Variants in MROH9 observed in about 807,000 individuals in gnomAD.
The protein encoded by MROH9 is maestro heat-like repeat-containing protein family member 9.
MROH9 carries 92 observed loss-of-function variants against 98.2 expected under a neutral mutation model. That is an observed-to-expected ratio of 0.94 (90% confidence interval 0.79 to 1.11). The LOEUF is 1.11. Among genes scored for constraint, MROH9 ranks in the 50% most tolerant of loss-of-function variants. The pLI, the probability that MROH9 is intolerant of heterozygous loss-of-function variation, is 0.00. For missense variants in MROH9, 1,057 were observed against 1,014.8 expected (o/e 1.04, Z -0.57); for synonymous variants, 397 against 368.9 (o/e 1.08, Z -0.87).
At chr1:170,948,929 T>C (rs1162962853) in intron 3 of MROH9, among the ~76,000 whole-genome samples, 1 of 152,090 alleles carries the variant, frequency 6.6e-6, no homozygotes, top group Non-Finnish European at 1.5e-5. Context: ...AAGCAGATTC[T>C]AAAATAACAC....
At chr1:171,008,469 C>T (rs1169895877) in intron 15 of MROH9, among the ~76,000 whole-genome samples, 1 of 152,162 alleles carries the variant, frequency 6.6e-6, no homozygotes, top group Admixed American at 6.5e-5. Flanking sequence ...ACAATCAATT[C>T]AGTAATTTTA....
intron 15 of MROH9, among the ~76,000 whole-genome samples, chr1:170,999,929 A>G (rs1050914612): frequency 6.6e-6 from 1 of 152,160 alleles, no homozygotes; most frequent in African/African-American, 2.4e-5. Context: ...TTTCCTGATT[A>G]TTAATGATGT....
At chr1:171,040,287 G>C (rs1039408297) in intron 20 of MROH9, among the ~76,000 whole-genome samples, 2 of 152,056 alleles carry the variant, frequency 1.3e-5, no homozygotes, top group South Asian at 4.1e-4. Context: ...TAAATCTAGA[G>C]AGCTAATGTA....
intron 20 of MROH9, among the ~76,000 whole-genome samples, chr1:171,055,618 T>TAAAAAAA (rs1204544479): frequency 7.7e-5 from 6 of 78,258 alleles, no homozygotes; most frequent in East Asian, 5.5e-4. Context: ...TGAGACTTCA[T>TAAAAAAA]AAAAAAAAAA....
rs1649879099 is a variant in MROH9, at chr1:170,958,557, T to C, written c.152+17T>C. The C allele has an allele frequency of 6.6e-7, 1 of 1,519,466 alleles. No individual in the cohort carries two copies. The highest frequency in any genetic ancestry group is 9.0e-7 in the Non-Finnish European group (1 of 1,109,734). 94.1% of individuals were successfully genotyped at this position (1,519,466 alleles called of 1,614,324 possible). On this transcript the variant is annotated intron_variant, in intron 4 of 21. Coordinates refer to ENST00000367759, the MANE Select transcript of MROH9 (RefSeq NM_001163629.2). ...GAACTCCAGGTATGATAAGCTATCA[T>C]GCTCTTTTATTTCACTAATTGGATG...
chr1:171,001,967 G>T (rs1411325257), intron 15 of MROH9, among the ~76,000 whole-genome samples: 1 of 152,022 alleles, frequency 6.6e-6, no homozygotes, highest in Non-Finnish European at 1.5e-5. Context: ...TTTCCTGTTG[G>T]ACAAGGCCTT....
chr1:170,965,371 G>C (rs1650194215), intron 7 of MROH9, 116 bp downstream of exon 7: 1 of 652,150 alleles, frequency 1.5e-6, no homozygotes, highest in Non-Finnish European at 2.7e-6. Context: ...TATTGTACTG[G>C]TAGGTTGGTT....
chr1:170,954,609 A>C (rs1649690166), intron 3 of MROH9, among the ~76,000 whole-genome samples: 1 of 151,964 alleles, frequency 6.6e-6, no homozygotes, highest in Non-Finnish European at 1.5e-5. Flanking sequence ...ATGCCAATTT[A>C]CGTTCATGCC....
At chr1:170,960,569 C>T (rs1649979829) in intron 5 of MROH9, among the ~76,000 whole-genome samples, 1 of 145,502 alleles carries the variant, frequency 6.9e-6, no homozygotes, top group African/African-American at 2.4e-5. Context: ...GTGTGTGGAA[C>T]AATAAATCTT....
intron 20 of MROH9, among the ~76,000 whole-genome samples, chr1:171,027,839 T>C (rs766382759): frequency 2.6e-5 from 4 of 152,236 alleles, no homozygotes; most frequent in Admixed American, 6.5e-5. Context: ...CTTGTTGGCA[T>C]GTAAATGTCT....
chr1:170,988,865 G>T (rs1305877193), intron 10 of MROH9, among the ~76,000 whole-genome samples: 1 of 152,102 alleles, frequency 6.6e-6, no homozygotes, highest in African/African-American at 2.4e-5. Context: ...GACATAGGTG[G>T]CTTGCTTTAG....
Position 170,958,455 on chromosome 1 carries a change from A to C in MROH9, c.73-6A>C. The C allele has an allele frequency of 6.6e-7, 1 of 1,504,622 alleles. No individual in the cohort carries two copies. The highest frequency in any genetic ancestry group is 9.1e-7 in the Non-Finnish European group (1 of 1,102,798). The allele number at this position is 1,504,622 out of a possible 1,614,324, so 93.2% of individuals were successfully genotyped here. A position where few individuals can be genotyped will look rare whatever the true frequency, so the allele number is the denominator to read the frequency against. On this transcript the variant is annotated splice_region_variant and splice_polypyrimidine_tract_variant and intron_variant, in intron 3 of 21. Transcript: ENST00000367759. ...TTTTTTTTTTTTTTTTTAACATGGT[A>C]CTTAGGCACATAAAGTTAACAGCCT... is the stretch of plus-strand genomic sequence containing the variant.
chr1:171,014,158 T>G lies in MROH9; in HGVS notation c.1638T>G (p.Phe546Leu), dbSNP rs1415018796. The G allele has an allele frequency of 6.4e-6, 10 of 1,550,898 alleles. No homozygotes were observed. The highest frequency in any genetic ancestry group is 1.4e-5 in the African/African-American group (1 of 73,024). The part of the protein sequence containing the change: ...NFFKDPLPEE[F>L]LVLFINWIND... ...TCAAGGACCCTTTACCAGAAGAATT[T>G]TTGGTCCTCTTCATAAACTGGATCA... is the stretch of plus-strand genomic sequence containing the variant. The change falls in exon 16 of 22, where the codon TTT becomes TTG. Residue 546 changes from phenylalanine to leucine, a missense_variant. Phe to Leu is a conservative substitution (Grantham distance 22). Transcript: ENST00000367759.
At chr1:171,010,386 A>C (rs1652109335) in intron 15 of MROH9, among the ~76,000 whole-genome samples, 1 of 152,202 alleles carries the variant, frequency 6.6e-6, no homozygotes, top group South Asian at 2.1e-4. Flanking sequence ...GAATAGTGCT[A>C]GAATAAACAT....
At chr1:170,936,540 C>T (rs1648890020) in intron 1 of MROH9, among the ~76,000 whole-genome samples, 1 of 152,150 alleles carries the variant, frequency 6.6e-6, no homozygotes, top group South Asian at 2.1e-4. Context: ...CACAGACATA[C>T]CCCAAAATAA....
chr1:171,000,182 G>A (rs1464241098), intron 15 of MROH9, among the ~76,000 whole-genome samples: 1 of 152,046 alleles, frequency 6.6e-6, no homozygotes, highest in Non-Finnish European at 1.5e-5. Context: ...AAGATCTTTA[G>A]TTTAATTAGG....
At chr1:170,967,582 G>A (rs1454146527) in intron 7 of MROH9, among the ~76,000 whole-genome samples, 2 of 152,100 alleles carry the variant, frequency 1.3e-5, no homozygotes, top group East Asian at 1.9e-4. Context: ...TCCTACACTG[G>A]ATAGACTTTT....
At chr1:171,049,687 C>CTT (rs532764931) in intron 20 of MROH9, among the ~76,000 whole-genome samples, 2 of 144,606 alleles carry the variant, frequency 1.4e-5, no homozygotes, top group African/African-American at 2.5e-5. Context: ...TTTCTTTTTT[C>CTT]TTTTTTTTTT....
intron 3 of MROH9, 96 bp from the exon 4 acceptor site, chr1:170,958,365 C>A: frequency 1.6e-6 from 1 of 644,570 alleles, no homozygotes; most frequent in Non-Finnish European, 2.6e-6. Flanking sequence ...TTCCTTTAGT[C>A]TCTGTAAAAG....
Sources: allele counts gnomAD v4.1 joint callset (sites outside exome capture counted in the v4.1 genomes callset), GRCh38; gene constraint gnomAD v4.1.1; transcripts MANE v1.5; gene names NCBI Gene and HGNC (gene_info 2026-07-23, HGNC 2026-07-21).